POLQ: variants seen among roughly 807,000 people sequenced by gnomAD.
POLQ encodes the protein epididymis secretory sperm binding protein.
Under a neutral mutation model 259.2 loss-of-function variants are expected in POLQ, and 233 were observed. That is an observed-to-expected ratio of 0.90 (90% CI 0.81 to 1.00). The LOEUF is 1.00. Among genes scored for constraint, POLQ ranks in the 50% least tolerant of loss-of-function variants. The pLI, the probability that POLQ is intolerant of heterozygous loss-of-function variation, is 0.00. For missense variants in POLQ, 2,871 were observed against 3,051.6 expected (o/e 0.94, Z 1.39); for synonymous variants, 1,025 against 1,048.8 (o/e 0.98, Z 0.44).
chr3:121,540,987 G>A (rs2048485470), intron 3 of POLQ, among the ~76,000 whole-genome samples: 1 of 151,714 alleles, frequency 6.6e-6, no homozygotes, highest in Non-Finnish European at 1.5e-5. Context: ...CACCTCCCAG[G>A]TTCAAGCCTC....
chr3:121,515,317 C>T (rs1030437411), intron 9 of POLQ, among the ~76,000 whole-genome samples: 1 of 152,172 alleles, frequency 6.6e-6, no homozygotes, highest in African/African-American at 2.4e-5. Flanking sequence ...CATGAGCCAC[C>T]ATGCTCAATC....
At position 121,473,491 on chromosome 3, in the gene POLQ, C is replaced by A. The variant is rs746484915; in HGVS notation, c.6406-4G>T. 2 of 1,607,872 alleles carry A rather than the reference C, an allele frequency of 1.2e-6. No homozygotes were observed. The highest frequency in any genetic ancestry group is 8.5e-7 in the Non-Finnish European group (1 of 1,176,730). On this transcript the variant is annotated splice_polypyrimidine_tract_variant and splice_region_variant and intron_variant, in intron 20 of 29. Coordinates refer to ENST00000264233, the MANE Select transcript of POLQ (RefSeq NM_199420.4). ...ACTTCAATTCCAAAAATAAAACCTG[C>A]AAGAAATTAATGTCTCTTTAGTCAA...
In POLQ at chr3:121,472,103, C is replaced by G; in HGVS notation, c.6605G>C (p.Arg2202Thr). The G allele has an allele frequency of 1.3e-6, 2 of 1,576,918 alleles. No homozygotes were observed. Among genetic ancestry groups the G allele is most frequent in the Non-Finnish European group, 1.7e-6 (2 of 1,150,630 alleles). ...PLPGLILEWR[R>T]ITNAITKVVF... ...CACTTTGGTAATAGCATTAGTGATT[C>G]TTCTCCATTCTAATATCAAGCCTGG... Residue 2202 changes from arginine (R) to threonine (T), a missense_variant, in exon 22 of 30, where the codon AGA (arginine) becomes ACA (threonine). Transcript: ENST00000264233.
chr3:121,489,242 T>C lies in POLQ; in HGVS notation c.3689A>G (p.Asp1230Gly). 2.5e-6 allele frequency: 4 copies of C among 1,612,064 alleles called. No individual in the cohort carries two copies. The highest frequency in any genetic ancestry group is 3.4e-6 in the Non-Finnish European group (4 of 1,178,950). ...CEAVSSYINR[D>G]SNVTINCERI... ...TTCACAATTGATAGTAACATTTGAG[T>C]CTCTATTTATGTAACTACTGACTGC... Residue 1230 changes from aspartate to glycine, a missense_variant, in exon 16 of 30, where the codon GAC becomes GGC. Transcript: ENST00000264233.
At position 121,477,241 on chromosome 3, in the gene POLQ, A is replaced by T. The variant is rs79105806; in HGVS notation, c.6212-508T>A. ...TCCTTGCCCCATTCAGCTTCAATATATCTTTTCCGCCAGACAACCACAGAC... is the reference window on the plus strand; with the variant it reads ...TCCTTGCCCCATTCAGCTTCAATATTTCTTTTCCGCCAGACAACCACAGAC... On this transcript the variant is annotated intron_variant, in intron 19 of 29. Transcript: ENST00000264233. Among the ~76,000 whole-genome samples, 114 of 152,302 alleles carry T rather than the reference A, an allele frequency of 7.5e-4. 1 individual carries two copies. The East Asian group carries it at 0.021, about 29-fold the overall frequency.
At chr3:121,495,567 G>T (rs1332474021) in intron 14 of POLQ, among the ~76,000 whole-genome samples, 1 of 151,860 alleles carries the variant, frequency 6.6e-6, no homozygotes. Context: ...CTCCCGGCCG[G>T]GCGCGGGTGG....
Position 121,473,482 on chromosome 3 carries a change from T to C in POLQ, c.6411A>G (p.Leu2137=), listed in dbSNP as rs777355976. 6.2e-7 allele frequency: 1 copy of C among 1,610,440 alleles called. No homozygotes were observed. The highest frequency in any genetic ancestry group is 1.1e-5 in the South Asian group (1 of 90,402). ...TTGGGGGCAACTTCAATTCCAAAAA[T>C]AAAACCTGCAAGAAATTAATGTCTC... The part of the protein sequence containing the change: ...FTSSDDIAEV[L]FLELKLPPNR... The change falls in exon 21 of 30, where the codon TTA becomes TTG. Residue 2137 remains leucine, a synonymous_variant. Transcript: ENST00000264233.
At chr3:121,439,882 C>G in intron 27 of POLQ, 110 bp downstream of exon 27, 1 of 962,852 alleles carries the variant, frequency 1.0e-6, no homozygotes, top group Non-Finnish European at 1.6e-6. Flanking sequence ...ACAGAAAATC[C>G]AATTAATATG....
At chr3:121,480,309 A>C (rs72969977) in intron 19 of POLQ, among the ~76,000 whole-genome samples, 92 of 152,292 alleles carry the variant, frequency 6.0e-4, no homozygotes, top group African/African-American at 2.2e-3. Context: ...CTAACAGAAA[A>C]ATTTTAAAAA....
chr3:121,511,777 C>T lies in POLQ; in HGVS notation c.1611+110G>A, dbSNP rs148831609. The T allele has an allele frequency of 9.7e-4, 889 of 917,668 alleles. 4 individuals carry two copies. In the African/African-American group the frequency reaches 0.014, roughly 14 times the overall value. The allele number at this position is 917,668 out of a possible 1,614,324, so 56.8% of individuals were successfully genotyped here. A position where few individuals can be genotyped will look rare whatever the true frequency, so the allele number is the denominator to read the frequency against. ...TGGGTAACAGAGTGAGACTCTGTCT[C>T]AAAAATAAATTAAAAAAAATAAATA... On this transcript the variant is annotated intron_variant, in intron 10 of 29. Transcript: ENST00000264233.
At chr3:121,466,107 C>T (rs1357179343) in intron 24 of POLQ, among the ~76,000 whole-genome samples, 3 of 151,904 alleles carry the variant, frequency 2.0e-5, no homozygotes, top group African/African-American at 7.3e-5. Flanking sequence ...AGGCTTATTG[C>T]TAATATGGAG....
In POLQ at chr3:121,512,034, A is replaced by G; in HGVS notation, c.1469-5T>C. ...TACAAATTAAGATACTCTCGCCTATAACCAAAAGATACACATTTGCAAAAT... is the reference window on the plus strand; with the variant it reads ...TACAAATTAAGATACTCTCGCCTATGACCAAAAGATACACATTTGCAAAAT... On this transcript the variant is annotated splice_region_variant and splice_polypyrimidine_tract_variant and intron_variant, in intron 9 of 29. Coordinates refer to ENST00000264233, the MANE Select transcript of POLQ (RefSeq NM_199420.4). 1.2e-6 allele frequency: 2 copies of G among 1,609,324 alleles called. No homozygotes were observed. Among genetic ancestry groups the G allele is most frequent in the Non-Finnish European group, 1.7e-6 (2 of 1,178,066 alleles).
At chr3:121,491,072 G>A (rs887772608) in intron 15 of POLQ, among the ~76,000 whole-genome samples, 2 of 151,866 alleles carry the variant, frequency 1.3e-5, no homozygotes, top group Non-Finnish European at 2.9e-5. Context: ...TTTTTAAAAG[G>A]CTGTGCGCAG....
At chr3:121,487,188 A>G in intron 16 of POLQ, 114 bp downstream of exon 16, 1 of 616,166 alleles carries the variant, frequency 1.6e-6, no homozygotes. Flanking sequence ...GAGGAGATAC[A>G]TACTACAACT....
Position 121,493,460 on chromosome 3 carries a change from G to A in POLQ, c.2522+18C>T. 2 of 1,587,884 alleles carry A rather than the reference G, an allele frequency of 1.3e-6. No homozygotes were observed. Among genetic ancestry groups the A allele is most frequent in the Non-Finnish European group, 1.7e-6 (2 of 1,159,954 alleles). ...TTTTTTATTTCATAAGCCCATGTAG[G>A]TAAAGGTATTTTCTTACCTTTTGAA... On this transcript the variant is annotated intron_variant, in intron 15 of 29. Coordinates refer to ENST00000264233, the MANE Select transcript of POLQ (RefSeq NM_199420.4).
chr3:121,443,158 T>C (rs1385237455), intron 26 of POLQ, among the ~76,000 whole-genome samples: 1 of 89,738 alleles, frequency 1.1e-5, no homozygotes, highest in Admixed American at 1.2e-4. Flanking sequence ...GCCCAGCCTA[T>C]TTTTAGTTTG....
At chr3:121,458,056 T>C (rs981647409) in intron 25 of POLQ, among the ~76,000 whole-genome samples, 3 of 152,132 alleles carry the variant, frequency 2.0e-5, no homozygotes, top group Non-Finnish European at 4.4e-5. Context: ...TACGCAGCCA[T>C]AAAAAATGAT....
Position 121,509,672 on chromosome 3 carries a change from C to G in POLQ, c.1848G>C (p.Ser616=), listed in dbSNP as rs764812825. Residue 616 remains serine, a synonymous_variant, in exon 12 of 30, where the codon TCG becomes TCC. Coordinates refer to ENST00000264233, the MANE Select transcript of POLQ (RefSeq NM_199420.4). Reference sequence around the variant, plus strand: ...GAGAAAGTGAAGAAGAAAGAGTGGCCGAACCAAGATGTGTTGGATGATACA... The same window carrying G: ...GAGAAAGTGAAGAAGAAAGAGTGGCGGAACCAAGATGTGTTGGATGATACA... The part of the protein sequence containing the change: ...GKVYHPTHLG[S]ATLSSSLSPA... 1 of 1,613,640 alleles carries G rather than the reference C, an allele frequency of 6.2e-7. No homozygotes were observed. Among genetic ancestry groups the G allele is most frequent in the Non-Finnish European group, 8.5e-7 (1 of 1,179,780 alleles).
At chr3:121,455,561 G>A (rs897467693) in intron 25 of POLQ, among the ~76,000 whole-genome samples, 81 of 151,524 alleles carry the variant, frequency 5.3e-4, no homozygotes, top group Admixed American at 1.9e-3. Flanking sequence ...TATCACCACC[G>A]ATCCCACAGA....
Sources: gnomAD v4.1 joint callset for allele counts (sites outside exome capture counted in the v4.1 genomes callset) on GRCh38, gnomAD v4.1.1 for gene constraint, MANE v1.5 for transcripts, NCBI Gene and HGNC (gene_info 2026-07-23, HGNC 2026-07-21) for gene names.